The following RORB variants were observed in gnomAD, a reference collection of about 807,000 sequenced individuals.
The protein encoded by RORB is RAR related orphan receptor B, also known as nuclear receptor ROR-beta.
A neutral mutation model predicts 59.1 loss-of-function variants in RORB; 6 were observed. The ratio of observed to expected loss-of-function variants is 0.10; its 90% confidence interval spans 0.06 to 0.20. The LOEUF (loss-of-function observed/expected upper bound fraction) is 0.20, where lower values mean the gene tolerates loss of function less well. Among genes scored for constraint, RORB ranks in the 10% least tolerant of loss-of-function variants. RORB has a pLI of 1.00. For missense variants in RORB, 320 were observed against 560.5 expected (o/e 0.57, Z 4.33); for synonymous variants, 215 against 204.5 (o/e 1.05, Z -0.44).
chr9:74,619,331 T>TGCATTCAGCATTATTTAGCA (rs1472717438), intron 1 of RORB, among the ~76,000 whole-genome samples: 1 of 152,250 alleles, frequency 6.6e-6, no homozygotes, highest in African/African-American at 2.4e-5. Context: ...AGCAGTCACC[T>TGCATTCAGCATTATTTAGCA]GTCTGCCCTG....
At chr9:74,659,532 A>T (rs1289866133) in intron 4 of RORB, among the ~76,000 whole-genome samples, 1 of 152,040 alleles carries the variant, frequency 6.6e-6, no homozygotes, top group East Asian at 1.9e-4. Context: ...TTTGAGATGG[A>T]GTCTCGCTCT....
In RORB at chr9:74,497,707, G is replaced by T. The variant is rs1044946550; in HGVS notation, c.-270G>T. 3.5e-5 allele frequency: 18 copies of T among 509,696 alleles called. No individual in the cohort carries two copies. The highest frequency in any genetic ancestry group is 5.6e-5 in the Non-Finnish European group (16 of 286,072). The allele number at this position is 509,696 out of a possible 1,614,324, so 31.6% of individuals were successfully genotyped here. The stretch of plus-strand genomic sequence containing the variant: ...ACAAAACCCAGGCACCAGACAGCCA[G>T]AACATTTTTTTTTCACCCTTCCTGA... On this transcript the variant is annotated 5_prime_UTR_variant, in exon 1 of 10. Transcript: ENST00000376896.
chr9:74,528,896 G>A (rs1436872379), intron 1 of RORB, among the ~76,000 whole-genome samples: 1 of 151,954 alleles, frequency 6.6e-6, no homozygotes, highest in East Asian at 1.9e-4. Context: ...GACTAAGGTA[G>A]GTTAAATAAC....
intron 3 of RORB, among the ~76,000 whole-genome samples, chr9:74,639,833 T>C (rs1182715566): frequency 6.6e-6 from 1 of 152,202 alleles, no homozygotes; most frequent in Non-Finnish European, 1.5e-5. Flanking sequence ...AGTTGTTTAT[T>C]TTTTCCCTAT....
rs2118318217 is a variant in RORB, at chr9:74,600,129, A to G, written c.8-30153A>G. Among the ~76,000 whole-genome samples, 3 of 152,322 alleles carry G rather than the reference A, an allele frequency of 2.0e-5. 1 individual carries two copies. Among genetic ancestry groups the G allele is most frequent in the Non-Finnish European group, 4.4e-5 (3 of 68,030 alleles). On this transcript the variant is annotated intron_variant, in intron 1 of 9. Transcript: ENST00000376896. Reference sequence around the variant, plus strand: ...ACATGTCCCTCTCCCCAGCTACATTAAAACTTACCCATCCTGTGTCTTCTT... The same window carrying G: ...ACATGTCCCTCTCCCCAGCTACATTGAAACTTACCCATCCTGTGTCTTCTT...
At chr9:74,532,793 T>C (rs13289812) in intron 1 of RORB, among the ~76,000 whole-genome samples, 38,871 of 144,554 alleles carry the variant, frequency 0.27, 5,832 homozygotes, top group East Asian at 0.76. Context: ...TATATATATA[T>C]ACATAGATAC....
chr9:74,552,943 A>C (rs549052936), intron 1 of RORB, among the ~76,000 whole-genome samples: 1 of 152,334 alleles, frequency 6.6e-6, no homozygotes, highest in African/African-American at 2.4e-5. Context: ...AGCATTTCAG[A>C]CAGGTGTTTT....
At chr9:74,509,184 A>T (rs1825903717) in intron 1 of RORB, among the ~76,000 whole-genome samples, 1 of 152,078 alleles carries the variant, frequency 6.6e-6, no homozygotes, top group South Asian at 2.1e-4. Flanking sequence ...AAATAATGAT[A>T]ATGGCATTTA....
intron 4 of RORB, among the ~76,000 whole-genome samples, chr9:74,656,924 C>T (rs1824092504): frequency 6.6e-6 from 1 of 152,206 alleles, no homozygotes; most frequent in East Asian, 1.9e-4. Context: ...CCACCCTAGT[C>T]TTATTTCTCC....
chr9:74,628,339 G>C (rs551541128), intron 1 of RORB, among the ~76,000 whole-genome samples: 1 of 152,084 alleles, frequency 6.6e-6, no homozygotes, highest in African/African-American at 2.4e-5. Flanking sequence ...GGAGCTATTG[G>C]AGTAATATAG....
At chr9:74,558,530 T>C (rs766884856) in intron 1 of RORB, among the ~76,000 whole-genome samples, 1 of 152,234 alleles carries the variant, frequency 6.6e-6, no homozygotes, top group Non-Finnish European at 1.5e-5. Flanking sequence ...ATCCATTCAT[T>C]TGCCCGTTCA....
chr9:74,554,273 T>A (rs527526217), intron 1 of RORB, among the ~76,000 whole-genome samples: 1 of 152,166 alleles, frequency 6.6e-6, no homozygotes, highest in Non-Finnish European at 1.5e-5. Context: ...CCTAGTGCCA[T>A]GTATTTGCAT....
At chr9:74,625,795 A>G (rs946522274) in intron 1 of RORB, among the ~76,000 whole-genome samples, 1 of 152,192 alleles carries the variant, frequency 6.6e-6, no homozygotes, top group African/African-American at 2.4e-5. Context: ...AAATGCCCAG[A>G]ATATAGGAAT....
intron 1 of RORB, among the ~76,000 whole-genome samples, chr9:74,519,553 T>C (rs1826054965): frequency 6.6e-6 from 1 of 151,970 alleles, no homozygotes; most frequent in African/African-American, 2.4e-5. Flanking sequence ...AGAATATTGA[T>C]ACTTGTGGAC....
intron 4 of RORB, among the ~76,000 whole-genome samples, chr9:74,652,193 G>C (rs1230037956): frequency 6.6e-6 from 1 of 152,180 alleles, no homozygotes; most frequent in Non-Finnish European, 1.5e-5. Flanking sequence ...GATCATCTGA[G>C]GCCAGGAGTT....
Position 74,627,564 on chromosome 9 carries a change from C to T in RORB, c.8-2718C>T, listed in dbSNP as rs530571696. Among the ~76,000 whole-genome samples the T allele has an allele frequency of 2.6e-5, 4 of 152,082 alleles. No homozygotes were observed. The South Asian group carries it at 8.3e-4, about 32-fold the overall frequency. ...GGCTTTCAAAAACATCTTGTCACAC[C>T]CCAGGGGGCAAATTATCTCTATTTT... On this transcript the variant is annotated intron_variant, in intron 1 of 9. Coordinates refer to ENST00000376896, the MANE Select transcript of RORB (RefSeq NM_006914.4).
intron 3 of RORB, among the ~76,000 whole-genome samples, chr9:74,639,407 C>T (rs1449156666): frequency 6.6e-6 from 1 of 151,700 alleles, no homozygotes; most frequent in Non-Finnish European, 1.5e-5. Flanking sequence ...AAGAAATAGA[C>T]AAGAGGAATC....
chr9:74,591,382 C>T (rs1328113448), intron 1 of RORB, among the ~76,000 whole-genome samples: 2 of 152,188 alleles, frequency 1.3e-5, no homozygotes, highest in Non-Finnish European at 2.9e-5. Flanking sequence ...ATGGTCTCCT[C>T]ATTAACTCCC....
At chr9:74,650,779 T>C (rs960655217) in intron 4 of RORB, among the ~76,000 whole-genome samples, 2 of 152,172 alleles carry the variant, frequency 1.3e-5, no homozygotes, top group Non-Finnish European at 2.9e-5. Flanking sequence ...CTTTAGTCAA[T>C]TAAATGCATT....
Sources: allele counts gnomAD v4.1 joint callset (sites outside exome capture counted in the v4.1 genomes callset), GRCh38; gene constraint gnomAD v4.1.1; transcripts MANE v1.5; gene names NCBI Gene and HGNC (gene_info 2026-07-23, HGNC 2026-07-21).